The following DGUOK variants were observed in gnomAD, a reference collection of about 807,000 sequenced individuals.
The protein encoded by DGUOK is deoxyguanosine kinase.
A neutral mutation model predicts 36.6 loss-of-function variants in DGUOK; 30 were observed. That is an observed-to-expected ratio of 0.82 (90% CI 0.61 to 1.11). The LOEUF is 1.11. Ranked by LOEUF, DGUOK falls within the 50% of genes most tolerant of loss-of-function variation. The pLI, the probability that DGUOK is intolerant of heterozygous loss-of-function variation, is 0.00. For synonymous variants in DGUOK, 145 were observed against 126.3 expected, an observed-to-expected ratio of 1.15 and a Z score of -0.99; for missense variants, 361 against 336.4, an observed-to-expected ratio of 1.07 and a Z score of -0.57.
intron 1 of DGUOK, among the ~76,000 whole-genome samples, chr2:73,931,642 A>T (rs533288864): frequency 1.3e-5 from 2 of 152,314 alleles, no homozygotes; most frequent in African/African-American, 4.8e-5. Context: ...AGATTAATTT[A>T]AAAAAGGAAA....
chr2:73,942,258 T>C (rs1393397186), intron 2 of DGUOK, among the ~76,000 whole-genome samples: 1 of 152,220 alleles, frequency 6.6e-6, no homozygotes, highest in Admixed American at 6.5e-5. Context: ...TACAATATAA[T>C]ACATTTCAGT....
intron 2 of DGUOK, among the ~76,000 whole-genome samples, chr2:73,940,321 G>C (rs1558651522): frequency 6.6e-6 from 1 of 152,212 alleles, no homozygotes; most frequent in Non-Finnish European, 1.5e-5. Flanking sequence ...AATTTACTAA[G>C]AGTGCTACTT....
At chr2:73,940,607 C>T (rs1230200782) in intron 2 of DGUOK, among the ~76,000 whole-genome samples, 3 of 152,186 alleles carry the variant, frequency 2.0e-5, no homozygotes, top group Admixed American at 6.5e-5. Context: ...TTTCAAAATA[C>T]AGTCATGGGC....
At chr2:73,955,829 G>A (rs1331393014) in intron 4 of DGUOK, among the ~76,000 whole-genome samples, 4 of 152,034 alleles carry the variant, frequency 2.6e-5, no homozygotes, top group Non-Finnish European at 5.9e-5. Flanking sequence ...AGCTGAGATC[G>A]CGCCACTGCA....
Position 73,938,829 on chromosome 2 carries a change from G to A in DGUOK, c.143-81G>A, listed in dbSNP as rs922197303. 9.8e-5 allele frequency: 92 copies of A among 939,276 alleles called. 1 individual carries two copies. The highest frequency in any genetic ancestry group is 2.2e-4 in the South Asian group (17 of 77,036). The allele number at this position is 939,276 out of a possible 1,614,324, so 58.2% of individuals were successfully genotyped here. On this transcript the variant is annotated intron_variant, in intron 1 of 6. Transcript: ENST00000264093. ...AATACTTGTTCCCTTGAGTTTGGGC[G>A]TTTGTGGCAGAGTTTAGTAGCAGCC...
chr2:73,940,958 G>A (rs539232029), intron 2 of DGUOK, among the ~76,000 whole-genome samples: 2 of 152,338 alleles, frequency 1.3e-5, no homozygotes, highest in African/African-American at 4.8e-5. Flanking sequence ...GTCCACAATT[G>A]TTTGATATTC....
intron 4 of DGUOK, among the ~76,000 whole-genome samples, chr2:73,955,030 T>C (rs904374257): frequency 6.6e-6 from 1 of 151,876 alleles, no homozygotes; most frequent in Non-Finnish European, 1.5e-5. Context: ...TTCGACCTCT[T>C]TTTTTTTCCC....
At chr2:73,938,395 G>A (rs1248931843) in intron 1 of DGUOK, among the ~76,000 whole-genome samples, 1 of 152,118 alleles carries the variant, frequency 6.6e-6, no homozygotes, top group Non-Finnish European at 1.5e-5. Context: ...GCTCTGTGAC[G>A]ACAAAATCCA....
At chr2:73,930,122 A>G (rs2104859970) in intron 1 of DGUOK, among the ~76,000 whole-genome samples, 1 of 152,310 alleles carries the variant, frequency 6.6e-6, no homozygotes, top group African/African-American at 2.4e-5. Flanking sequence ...AACAGGCGTG[A>G]TGGCAAAATA....
intron 4 of DGUOK, among the ~76,000 whole-genome samples, chr2:73,956,267 CTTTGT>C (rs1434789179): frequency 6.6e-6 from 1 of 152,194 alleles, no homozygotes; most frequent in East Asian, 1.9e-4. Context: ...TTTTCCACTT[CTTTGT>C]TTTATCTTTG....
chr2:73,954,575 G>A (rs1682952789), intron 4 of DGUOK, among the ~76,000 whole-genome samples: 1 of 152,048 alleles, frequency 6.6e-6, no homozygotes, highest in Non-Finnish European at 1.5e-5. Flanking sequence ...AGGCCTCAGT[G>A]TTCCTAGCCA....
chr2:73,929,369 C>G (rs1249127635), intron 1 of DGUOK, among the ~76,000 whole-genome samples: 1 of 152,162 alleles, frequency 6.6e-6, no homozygotes, highest in Non-Finnish European at 1.5e-5. Flanking sequence ...CTTGGCTTCC[C>G]AAAGTGCTGG....
At chr2:73,951,689 A>G (rs1386784711) in intron 4 of DGUOK, among the ~76,000 whole-genome samples, 3 of 152,190 alleles carry the variant, frequency 2.0e-5, no homozygotes, top group Admixed American at 2.0e-4. Context: ...ACACCAGCCA[A>G]CGAGGAGAGG....
rs375686551 is a variant in DGUOK at position 73,957,197 on chromosome 2, C to T, written c.664C>T (p.Leu222=). ...KGIELAYLEQ[L]HGQHEAWLIH... ...AATTGAGCTGGCCTATCTAGAGCAG[C>T]TGCATGGCCAACACGAAGCCTGGCT... is the stretch of plus-strand genomic sequence containing the variant. The change falls in exon 5 of 7, where the codon CTG becomes TTG. Residue 222 remains leucine, a synonymous_variant. Coordinates refer to ENST00000264093, the MANE Select transcript of DGUOK (RefSeq NM_080916.3). The T allele has an allele frequency of 4.0e-4, 648 of 1,614,044 alleles. 1 individual carries two copies. The highest frequency in any genetic ancestry group is 5.1e-4 in the Non-Finnish European group (597 of 1,180,028).
At chr2:73,942,291 T>C (rs1681961340) in intron 2 of DGUOK, among the ~76,000 whole-genome samples, 1 of 152,236 alleles carries the variant, frequency 6.6e-6, no homozygotes, top group Admixed American at 6.5e-5. Flanking sequence ...TAACCTGTCC[T>C]TCTTTTTCCT....
At chr2:73,927,623 G>A (rs970747344) in intron 1 of DGUOK, among the ~76,000 whole-genome samples, 9 of 152,130 alleles carry the variant, frequency 5.9e-5, no homozygotes, top group African/African-American at 1.7e-4. Context: ...TTTGCCCTGT[G>A]CCTGTGCTAG....
At chr2:73,929,320 G>C (rs1168535029) in intron 1 of DGUOK, among the ~76,000 whole-genome samples, 1 of 152,194 alleles carries the variant, frequency 6.6e-6, no homozygotes. Context: ...ATATTTTCCA[G>C]GCTGGTCTTG....
Position 73,950,620 on chromosome 2 carries a change from C to G in DGUOK, c.479C>G (p.Ser160Cys), listed in dbSNP as rs774810856. ...IFAKNLFENG[S>C]LSDIEWHIYQ... Reference sequence around the variant, plus strand: ...GCAAAGAATCTTTTTGAAAATGGTTCCCTCAGTGACATCGAGTGGCATATC... The same window carrying G: ...GCAAAGAATCTTTTTGAAAATGGTTGCCTCAGTGACATCGAGTGGCATATC... Residue 160 changes from serine (S) to cysteine (C), a missense_variant, in exon 4 of 7, where the codon TCC (serine) becomes TGC (cysteine). Transcript: ENST00000264093. The G allele has an allele frequency of 1.2e-6, 2 of 1,614,002 alleles. No homozygotes were observed. Among genetic ancestry groups the G allele is most frequent in the South Asian group, 2.2e-5 (2 of 91,088 alleles).
Position 73,958,750 on chromosome 2 carries a change from G to A in DGUOK, c.*14G>A, listed in dbSNP as rs761286372. The A allele has an allele frequency of 1.2e-6, 2 of 1,607,680 alleles. No individual in the cohort carries two copies. Among genetic ancestry groups the A allele is most frequent in the Non-Finnish European group, 1.7e-6 (2 of 1,174,074 alleles). On this transcript the variant is annotated 3_prime_UTR_variant, in exon 7 of 7. Coordinates refer to ENST00000264093, the MANE Select transcript of DGUOK (RefSeq NM_080916.3). ...AAGAATCTGTAACCAATACCATGAA[G>A]TTCAGGCTGTGATCTGGGCTCCCTG...
Sources: gnomAD v4.1 joint callset for allele counts (sites outside exome capture counted in the v4.1 genomes callset) on GRCh38, gnomAD v4.1.1 for gene constraint, MANE v1.5 for transcripts, NCBI Gene and HGNC (gene_info 2026-07-23, HGNC 2026-07-21) for gene names.